Variants in SV2C observed in about 807,000 individuals in gnomAD.
SV2C encodes the protein solute carrier family 22 member B3.
SV2C carries 49 observed loss-of-function variants against 79.7 expected under a neutral mutation model. The ratio of observed to expected loss-of-function variants is 0.61; its 90% CI spans 0.49 to 0.78. The LOEUF (loss-of-function observed/expected upper bound fraction) is 0.78. Among genes scored for constraint, SV2C ranks in the 30% least tolerant of loss-of-function variants. SV2C has a pLI of 0.00. For synonymous variants in SV2C, 334 were observed against 333.2 expected (o/e 1.00, Z -0.03); for missense variants, 833 against 912.9 (o/e 0.91, Z 1.13).
At chr5:76,307,062 C>A (rs1163117882) in intron 12 of SV2C, among the ~76,000 whole-genome samples, 1 of 152,022 alleles carries the variant, frequency 6.6e-6, no homozygotes, top group Non-Finnish European at 1.5e-5. Flanking sequence ...CAGGTTTTTT[C>A]TTTGCCTGCC....
chr5:75,911,595 G>T, the SV2C span: 1 of 684,492 alleles, frequency 1.5e-6, no homozygotes, highest in Non-Finnish European at 2.7e-6. Context: ...TACAAAAGAA[G>T]CCAGTAAGAA....
intron 2 of SV2C, among the ~76,000 whole-genome samples, chr5:76,169,345 C>T (rs1203897532): frequency 6.6e-6 from 1 of 152,168 alleles, no homozygotes; most frequent in Non-Finnish European, 1.5e-5. Flanking sequence ...ATCTGTATGA[C>T]TAGGGCACTG....
upstream of SV2C, chr5:76,078,576 C>T (rs756783319): frequency 2.8e-4 from 97 of 341,592 alleles, no homozygotes; most frequent in Non-Finnish European, 4.1e-4. Flanking sequence ...TTGACTCCCG[C>T]GGGCCACAGC....
chr5:75,851,603 G>GAGCA, the SV2C span, among the ~76,000 whole-genome samples: 6 of 152,038 alleles, frequency 3.9e-5, no homozygotes. Flanking sequence ...TTTCATAAGT[G>GAGCA]AGCAGTATGC....
At chr5:76,334,364 C>T (rs939552159), downstream of SV2C, among the ~76,000 whole-genome samples, 1 of 152,210 alleles carries the variant, frequency 6.6e-6, no homozygotes, top group South Asian at 2.1e-4. Context: ...TTAAATGCCA[C>T]ATATTTGCTA....
At chr5:76,346,219 A>T (rs1749535132) in intron 12 of SV2C, among the ~76,000 whole-genome samples, 1 of 152,232 alleles carries the variant, frequency 6.6e-6, no homozygotes, top group Non-Finnish European at 1.5e-5. Context: ...AAGTGCGCAC[A>T]TAATGGTATA....
At chr5:76,009,904 T>C in the SV2C span, among the ~76,000 whole-genome samples, 1 of 148,764 alleles carries the variant, frequency 6.7e-6, no homozygotes, top group East Asian at 2.0e-4. Context: ...GAATCTCAAA[T>C]AAAAGTGAAA....
intron 9 of SV2C, among the ~76,000 whole-genome samples, chr5:76,297,431 A>G (rs1747813478): frequency 1.3e-5 from 2 of 152,168 alleles, no homozygotes; most frequent in Admixed American, 1.3e-4. Flanking sequence ...TGGATGGGAA[A>G]AGACTGACTT....
At chr5:75,925,719 T>A in the SV2C span, among the ~76,000 whole-genome samples, 4,304 of 149,724 alleles carry the variant, frequency 0.029, 159 homozygotes, top group African/African-American at 0.087. Context: ...ATTTAAAAAA[T>A]AAATATTTTT....
intron 4 of SV2C, among the ~76,000 whole-genome samples, chr5:76,270,205 C>T (rs368675668): frequency 1.3e-5 from 2 of 152,310 alleles, no homozygotes; most frequent in South Asian, 2.1e-4. Flanking sequence ...CTGAAGGAAA[C>T]ATGCTTTAAA....
the SV2C span, among the ~76,000 whole-genome samples, chr5:75,995,615 A>G: frequency 6.6e-6 from 1 of 152,144 alleles, no homozygotes; most frequent in Non-Finnish European, 1.5e-5. Flanking sequence ...TTTAAGAACT[A>G]TCCATCACTC....
chr5:75,963,220 T>C, the SV2C span, among the ~76,000 whole-genome samples: 1 of 152,126 alleles, frequency 6.6e-6, no homozygotes, highest in Middle Eastern at 3.2e-3. Context: ...AACCTCTGTG[T>C]TTCATTGTAC....
intron 2 of SV2C, among the ~76,000 whole-genome samples, chr5:76,153,486 GCAAA>G (rs1742624157): frequency 6.6e-6 from 1 of 152,158 alleles, no homozygotes; most frequent in Non-Finnish European, 1.5e-5. Flanking sequence ...TAGTCATCCA[GCAAA>G]CACTTATTTC....
rs577677637 is a variant in SV2C at position 76,213,692 on chromosome 5, TACC to T, written c.913+3808_913+3810del. ...ATATATGTGTACATTGTGAAATGAT[TACC>T]ACAATCGAGCTAATTAACATCTTTC... On this transcript the variant is annotated intron_variant, in intron 4 of 12. Coordinates refer to ENST00000502798, the MANE Select transcript of SV2C (RefSeq NM_014979.4). Among the ~76,000 whole-genome samples the T allele has an allele frequency of 6.0e-4, 91 of 152,324 alleles. 1 individual carries two copies. Among genetic ancestry groups the T allele is most frequent in the African/African-American group, 2.1e-3 (88 of 41,576 alleles).
chr5:75,952,662 A>G, the SV2C span, among the ~76,000 whole-genome samples: 22 of 151,640 alleles, frequency 1.5e-4, no homozygotes, highest in Non-Finnish European at 2.2e-4. Flanking sequence ...TCCTCTTGCC[A>G]TGTGATATAC....
In SV2C at chr5:76,325,421, C is replaced by T. The variant is rs747122964; in HGVS notation, c.2058C>T (p.Asn686=). The change falls in exon 13 of 13, where the codon AAC becomes AAT. Residue 686 remains asparagine (N), a synonymous_variant. Transcript: ENST00000502798. ...ALCKAAAVLG[N]LIFGSLVSIT... ...GCAAGGCAGCAGCCGTCCTGGGAAA[C>T]TTAATATTTGGCTCTCTGGTCAGCA... 1 of 1,614,234 alleles carries T rather than the reference C, an allele frequency of 6.2e-7. No homozygotes were observed. Among genetic ancestry groups the T allele is most frequent in the South Asian group, 1.1e-5 (1 of 91,086 alleles).
chr5:75,866,580 G>A, the SV2C span, among the ~76,000 whole-genome samples: 1 of 152,190 alleles, frequency 6.6e-6, no homozygotes, highest in Admixed American at 6.5e-5. Flanking sequence ...CATTGGCCAA[G>A]GCTGAAGCTT....
intron 12 of SV2C, among the ~76,000 whole-genome samples, chr5:76,315,385 A>AAAAT (rs1371409163): frequency 6.6e-6 from 1 of 152,222 alleles, no homozygotes; most frequent in African/African-American, 2.4e-5. Flanking sequence ...AATTTCCATT[A>AAAAT]AAATGTCTAT....
At chr5:76,241,584 C>T in intron 4 of SV2C, among the ~76,000 whole-genome samples, 1 of 151,798 alleles carries the variant, frequency 6.6e-6, no homozygotes, top group Non-Finnish European at 1.5e-5. Context: ...GATTGCCTAA[C>T]ACACTGGTAA....
Sources: allele counts gnomAD v4.1 joint callset (sites outside exome capture counted in the v4.1 genomes callset), GRCh38; gene constraint gnomAD v4.1.1; transcripts MANE v1.5; gene names NCBI Gene and HGNC (gene_info 2026-07-23, HGNC 2026-07-21).